Variants in ASB18 observed in about 807,000 individuals in gnomAD.
ASB18 encodes ankyrin repeat and SOCS box containing 18, also known as ankyrin repeat and SOCS box protein 18.
In ASB18, 33 loss-of-function variants were observed where a neutral mutation model predicts 33.4. The ratio of observed to expected loss-of-function variants is 0.99; its 90% CI spans 0.75 to 1.32. The LOEUF is 1.32. Among genes scored for constraint, ASB18 ranks in the 40% most tolerant of loss-of-function variants. The probability of loss-of-function intolerance (pLI) is 0.00; values close to 1 mark genes in which losing one functional copy is unlikely to be tolerated. For synonymous variants in ASB18, 295 were observed against 307.6 expected (o/e 0.96, Z 0.43); for missense variants, 694 against 655.5 (o/e 1.06, Z -0.64).
At chr2:236,197,244 C>T (rs769263948) in intron 4 of ASB18, among the ~76,000 whole-genome samples, 3 of 152,118 alleles carry the variant, frequency 2.0e-5, no homozygotes, top group Admixed American at 6.6e-5. Flanking sequence ...CATAATATCA[C>T]GTCATATACA....
In ASB18 at chr2:236,235,674, C is replaced by T. The variant is rs143672965; in HGVS notation, c.596+2015G>A. Reference sequence around the variant, plus strand: ...TCGCTGGTGCGGATGTAAAATGGTACAACTTTCAAAACTAGTTGGGCCATT... The same window carrying T: ...TCGCTGGTGCGGATGTAAAATGGTATAACTTTCAAAACTAGTTGGGCCATT... On this transcript the variant is annotated intron_variant, in intron 3 of 5. Transcript: ENST00000409749. The surrounding 1 kb of genome is among the most constrained non-coding windows in gnomAD (Gnocchi z 6.2). 2.7e-3 allele frequency among the ~76,000 whole-genome samples: 412 copies of T among 152,282 alleles called. 2 individuals carry two copies. Among genetic ancestry groups the T allele is most frequent in the African/African-American group, 9.3e-3 (388 of 41,556 alleles).
intron 1 of ASB18, among the ~76,000 whole-genome samples, chr2:236,242,921 A>G (rs532068565): frequency 6.7e-6 from 1 of 148,438 alleles, no homozygotes; most frequent in East Asian, 2.1e-4. Context: ...TTGGGAGGCT[A>G]AGGTGGGGAG....
Position 236,220,924 on chromosome 2 carries a change from C to T in ASB18, c.597-6058G>A, listed in dbSNP as rs2060508030. Among the ~76,000 whole-genome samples the T allele has an allele frequency of 6.6e-6, 1 of 152,176 alleles. No homozygotes were observed. The highest frequency in any genetic ancestry group is 1.5e-5 in the Non-Finnish European group (1 of 68,042). On this transcript the variant is annotated intron_variant, in intron 3 of 5. Coordinates refer to ENST00000409749, the MANE Select transcript of ASB18 (RefSeq NM_212556.4). This position sits in a 1 kb window ranked among gnomAD's most constrained non-coding sequence, Gnocchi z 5.1. The stretch of plus-strand genomic sequence containing the variant: ...CTCCACAGGAATTCCTGGACAGACT[C>T]ACCGACAGGACACTGAAGGCAGGGC...
chr2:236,257,249 GGA>G lies in ASB18; in HGVS notation c.205+6890_205+6891del. ...AAGAGCAATGCTCAGGCTGGTGGTG[GGA>G]TAGTGTCATTAGGTGCTGATTTATA... is the stretch of plus-strand genomic sequence containing the variant. On this transcript the variant is annotated intron_variant, in intron 1 of 5. Transcript: ENST00000409749. This position sits in a 1 kb window ranked among gnomAD's most constrained non-coding sequence, Gnocchi z 5.5. Among the ~76,000 whole-genome samples the G allele has an allele frequency of 1.3e-5, 2 of 152,306 alleles. 1 individual carries two copies. The highest frequency in any genetic ancestry group is 4.1e-4 in the South Asian group (2 of 4,826).
chr2:236,247,283 A>G (rs2060649662), intron 1 of ASB18: 1 of 149,094 alleles, frequency 6.7e-6, no homozygotes, highest in Non-Finnish European at 1.5e-5. Flanking sequence ...TTACATTAAA[A>G]CAAACAAACC....
rs1486260176 is a variant in ASB18 at position 236,203,108 on chromosome 2, G to C, written c.1102-6723C>G. Among the ~76,000 whole-genome samples, 2 of 152,118 alleles carry C rather than the reference G, an allele frequency of 1.3e-5. No individual in the cohort carries two copies. The highest frequency in any genetic ancestry group is 2.4e-5 in the African/African-American group (1 of 41,414). On this transcript the variant is annotated intron_variant, in intron 4 of 5. Coordinates refer to ENST00000409749, the MANE Select transcript of ASB18 (RefSeq NM_212556.4). The surrounding 1 kb of genome is among the most constrained non-coding windows in gnomAD (Gnocchi z 6.0). The stretch of plus-strand genomic sequence containing the variant: ...TGTCCTTTAAGCCATCCCTTCTGTA[G>C]GTATTTGCCGAGCTCCTACTAGAAA...
At chr2:236,201,189 T>C (rs2060399875) in intron 4 of ASB18, among the ~76,000 whole-genome samples, 1 of 152,004 alleles carries the variant, frequency 6.6e-6, no homozygotes, top group Non-Finnish European at 1.5e-5. Context: ...TCTTGCTCTG[T>C]CACCTATGCT....
At position 236,200,698 on chromosome 2, in the gene ASB18, C is replaced by T. The variant is rs554097355; in HGVS notation, c.1102-4313G>A. Among the ~76,000 whole-genome samples the T allele has an allele frequency of 9.9e-5, 15 of 151,988 alleles. No individual in the cohort carries two copies. The South Asian group carries it at 2.5e-3, about 25-fold the overall frequency. ...CGAGAGCTGTAGAATGAGGTCCATA[C>T]GGATCCATAAAGGTGGAAGGAAGAG... On this transcript the variant is annotated intron_variant, in intron 4 of 5. Transcript: ENST00000409749. The surrounding 1 kb of genome is among the most constrained non-coding windows in gnomAD (Gnocchi z 4.2).
In ASB18 at chr2:236,211,325, C is replaced by A. The variant is rs564958261; in HGVS notation, c.1101+3037G>T. 6.6e-6 allele frequency among the ~76,000 whole-genome samples: 1 copy of A among 152,348 alleles called. No individual in the cohort carries two copies. The highest frequency in any genetic ancestry group is 1.5e-5 in the Non-Finnish European group (1 of 68,034). ...CGGTCAGCCAGGCAGAAAGGCCTGG[C>A]ACTGTCAACACGTGGGCTTCCGAAG... is the stretch of plus-strand genomic sequence containing the variant. On this transcript the variant is annotated intron_variant, in intron 4 of 5. Transcript: ENST00000409749. The surrounding 1 kb of genome is among the most constrained non-coding windows in gnomAD (Gnocchi z 5.0).
At chr2:236,261,487 TCCAGCCTG>T (rs900006396) in intron 1 of ASB18, among the ~76,000 whole-genome samples, 1 of 152,176 alleles carries the variant, frequency 6.6e-6, no homozygotes, top group African/African-American at 2.4e-5. Flanking sequence ...TGTCCTGAAG[TCCAGCCTG>T]CTTTCTCTGT....
chr2:236,262,987 T>C lies in ASB18; in HGVS notation c.205+1154A>G, dbSNP rs2060726849. ...GCAACTCCCACTCATGTCCCATCTG[T>C]GTTCCTCCTGCATGTTGCGCACACG... On this transcript the variant is annotated intron_variant, in intron 1 of 5. Transcript: ENST00000409749. This position sits in a 1 kb window ranked among gnomAD's most constrained non-coding sequence, Gnocchi z 5.2. Among the ~76,000 whole-genome samples the C allele has an allele frequency of 1.3e-5, 2 of 152,164 alleles. No individual in the cohort carries two copies. The highest frequency in any genetic ancestry group is 2.9e-5 in the Non-Finnish European group (2 of 68,018).
chr2:236,198,540 G>T (rs2060385070), intron 4 of ASB18, among the ~76,000 whole-genome samples: 1 of 151,786 alleles, frequency 6.6e-6, no homozygotes, highest in Non-Finnish European at 1.5e-5. Flanking sequence ...GCTGATTTTT[G>T]TATTTTTATT....
rs116774208 is a variant in ASB18, at chr2:236,236,696, C to T, written c.596+993G>A. 4.7e-3 allele frequency among the ~76,000 whole-genome samples: 716 copies of T among 152,258 alleles called. 2 individuals carry two copies. Among genetic ancestry groups the T allele is most frequent in the African/African-American group, 0.016 (682 of 41,544 alleles). On this transcript the variant is annotated intron_variant, in intron 3 of 5. Transcript: ENST00000409749. ...TGAGTCCCTGAATGCCCAGCAGTCC[C>T]GCCTGCCTGCGTTGCTGCCCCTGCT... is the stretch of plus-strand genomic sequence containing the variant.
chr2:236,235,636 G>A lies in ASB18; in HGVS notation c.596+2053C>T, dbSNP rs1036378959. Among the ~76,000 whole-genome samples, 2 of 152,212 alleles carry A rather than the reference G, an allele frequency of 1.3e-5. No homozygotes were observed. Among genetic ancestry groups the A allele is most frequent in the African/African-American group, 2.4e-5 (1 of 41,450 alleles). On this transcript the variant is annotated intron_variant, in intron 3 of 5. Coordinates refer to ENST00000409749, the MANE Select transcript of ASB18 (RefSeq NM_212556.4). The surrounding 1 kb of genome is among the most constrained non-coding windows in gnomAD (Gnocchi z 6.2). ...TATTGGTGAGGCTGTAAAGCAACTGGAACATGCAGACATCGCTGGTGCGGA... is the reference window on the plus strand; with the variant it reads ...TATTGGTGAGGCTGTAAAGCAACTGAAACATGCAGACATCGCTGGTGCGGA...
rs1013379619 is a variant in ASB18, at chr2:236,236,000, T to G, written c.596+1689A>C. Among the ~76,000 whole-genome samples, 6 of 152,204 alleles carry G rather than the reference T, an allele frequency of 3.9e-5. No individual in the cohort carries two copies. The highest frequency in any genetic ancestry group is 3.3e-4 in the Admixed American group (5 of 15,284). ...TGAGCCACCGCACCTAGCCTAACAG[T>G]TATGTTCTTAATCATACCGTGTGAC... is the stretch of plus-strand genomic sequence containing the variant. On this transcript the variant is annotated intron_variant, in intron 3 of 5. Coordinates refer to ENST00000409749, the MANE Select transcript of ASB18 (RefSeq NM_212556.4). The surrounding 1 kb of genome is among the most constrained non-coding windows in gnomAD (Gnocchi z 6.2).
rs1372287389 is a variant in ASB18 at position 236,217,350 on chromosome 2, T to C, written c.597-2484A>G. Among the ~76,000 whole-genome samples the C allele has an allele frequency of 1.3e-5, 2 of 150,798 alleles. No individual in the cohort carries two copies. The highest frequency in any genetic ancestry group is 1.3e-4 in the Admixed American group (2 of 15,064). ...TAAACCCGGGAGGTGGAGGTTGCAG[T>C]GAGCCAAGATCGTGCCCCTGAACTC... On this transcript the variant is annotated intron_variant, in intron 3 of 5. Transcript: ENST00000409749. The surrounding 1 kb of genome is among the most constrained non-coding windows in gnomAD (Gnocchi z 5.2).
intron 1 of ASB18, among the ~76,000 whole-genome samples, chr2:236,242,182 A>G (rs1439832054): frequency 6.6e-6 from 1 of 152,158 alleles, no homozygotes; most frequent in African/African-American, 2.4e-5. Flanking sequence ...CTGTGCTATG[A>G]TTGGAACCCA....
Position 236,216,775 on chromosome 2 carries a change from C to T in ASB18, c.597-1909G>A, listed in dbSNP as rs1348062367. 6.6e-6 allele frequency among the ~76,000 whole-genome samples: 1 copy of T among 152,362 alleles called. No homozygotes were observed. The highest frequency in any genetic ancestry group is 1.9e-4 in the East Asian group (1 of 5,186). On this transcript the variant is annotated intron_variant, in intron 3 of 5. Transcript: ENST00000409749. The surrounding 1 kb of genome is among the most constrained non-coding windows in gnomAD (Gnocchi z 6.1). ...GCCTGCCAACAACCCCACCACTCCC[C>T]CTGCCTGCTGGGCGAAGCCCACACT...
In ASB18 at chr2:236,193,997, G is replaced by T. The variant is rs2060359447; in HGVS notation, c.*875C>A. 6.6e-6 allele frequency among the ~76,000 whole-genome samples: 1 copy of T among 152,178 alleles called. No individual in the cohort carries two copies. Among genetic ancestry groups the T allele is most frequent in the Non-Finnish European group, 1.5e-5 (1 of 68,026 alleles). ...AGCACCCCGTCCAGGCCTGGTTCCT[G>T]CCCTGCACACTGAGTTGCTGGGGTG... On this transcript the variant is annotated 3_prime_UTR_variant, in exon 6 of 6. Coordinates refer to ENST00000409749, the MANE Select transcript of ASB18 (RefSeq NM_212556.4). The surrounding 1 kb of genome is among the most constrained non-coding windows in gnomAD (Gnocchi z 5.0).
Sources: gnomAD v4.1 joint callset for allele counts (sites outside exome capture counted in the v4.1 genomes callset) on GRCh38, gnomAD v4.1.1 for gene constraint, Gnocchi (gnomAD v3.1) non-coding constraint, MANE v1.5 for transcripts, NCBI Gene and HGNC (gene_info 2026-07-23, HGNC 2026-07-21) for gene names.